The following MAGI2 variants were observed in gnomAD, a reference collection of about 807,000 sequenced individuals.
MAGI2 encodes membrane-associated guanylate kinase, WW and PDZ domain-containing protein 2.
A neutral mutation model predicts 133.3 loss-of-function variants in MAGI2; 35 were observed. That is an observed-to-expected ratio of 0.26 (90% confidence interval 0.20 to 0.35). The LOEUF (loss-of-function observed/expected upper bound fraction) is 0.35, where lower values mean the gene tolerates loss of function less well. Among genes scored for constraint, MAGI2 ranks in the 10% least tolerant of loss-of-function variants. The pLI, the probability that MAGI2 is intolerant of heterozygous loss-of-function variation, is 1.00. For missense variants in MAGI2, 1,636 were observed against 1,863.4 expected, an observed-to-expected ratio of 0.88 and a Z score of 2.25; for synonymous variants, 729 against 710.6, an observed-to-expected ratio of 1.03 and a Z score of -0.41.
intron 21 of MAGI2, among the ~76,000 whole-genome samples, chr7:78,071,545 G>GA (rs1169714121): frequency 2.0e-5 from 3 of 151,844 alleles, no homozygotes; most frequent in Non-Finnish European, 4.4e-5. Flanking sequence ...CCCGCTGCCA[G>GA]AAAAAAAAGA....
intron 21 of MAGI2, among the ~76,000 whole-genome samples, chr7:78,075,112 G>A (rs1815135113): frequency 6.6e-6 from 1 of 152,238 alleles, no homozygotes; most frequent in African/African-American, 2.4e-5. Flanking sequence ...GAGTCTGGAA[G>A]TGTGGTATGT....
At chr7:79,041,671 G>T (rs1811682944) in intron 1 of MAGI2, among the ~76,000 whole-genome samples, 1 of 152,006 alleles carries the variant, frequency 6.6e-6, no homozygotes, top group South Asian at 2.1e-4. Flanking sequence ...AAAACAAATA[G>T]ATAAATGAAT....
At chr7:78,794,828 A>G (rs901585051) in intron 2 of MAGI2, among the ~76,000 whole-genome samples, 1 of 152,190 alleles carries the variant, frequency 6.6e-6, no homozygotes, top group Non-Finnish European at 1.5e-5. Context: ...TGTTGGCTAC[A>G]CGCATAACCA....
intron 2 of MAGI2, among the ~76,000 whole-genome samples, chr7:78,853,604 C>G (rs977735962): frequency 3.3e-5 from 5 of 151,902 alleles, no homozygotes; most frequent in African/African-American, 1.2e-4. Flanking sequence ...AATTCTCCTG[C>G]CTCGACCTCC....
chr7:78,040,869 C>A (rs143766843), intron 21 of MAGI2, among the ~76,000 whole-genome samples: 1 of 152,172 alleles, frequency 6.6e-6, no homozygotes, highest in Non-Finnish European at 1.5e-5. Context: ...GTTTGAGAGG[C>A]CTTTCGGTAA....
intron 1 of MAGI2, among the ~76,000 whole-genome samples, chr7:79,187,309 T>C (rs1204421799): frequency 6.6e-6 from 1 of 151,812 alleles, no homozygotes; most frequent in Non-Finnish European, 1.5e-5. Flanking sequence ...CATTTTATGT[T>C]TCTTCAAAAA....
intron 2 of MAGI2, among the ~76,000 whole-genome samples, chr7:78,921,709 G>C (rs1191593282): frequency 6.6e-6 from 1 of 151,348 alleles, no homozygotes; most frequent in Non-Finnish European, 1.5e-5. Flanking sequence ...TTGGCTCACT[G>C]CAACCTCCAC....
At chr7:78,699,057 G>A (rs186819850) in intron 2 of MAGI2, among the ~76,000 whole-genome samples, 1 of 152,286 alleles carries the variant, frequency 6.6e-6, no homozygotes, top group Admixed American at 6.5e-5. Context: ...TTGTCCACGT[G>A]GGTGACTGAG....
chr7:79,223,076 G>C (rs1830578074), intron 1 of MAGI2, among the ~76,000 whole-genome samples: 2 of 151,788 alleles, frequency 1.3e-5, no homozygotes, highest in South Asian at 4.2e-4. Flanking sequence ...TAGTAGAGAC[G>C]GGGTTTTATC....
rs964696377 is a variant in MAGI2 at position 78,487,711 on chromosome 7, C to T, written c.1045+2050G>A. Among the ~76,000 whole-genome samples the T allele has an allele frequency of 3.3e-5, 5 of 152,074 alleles. No individual in the cohort carries two copies. In the South Asian group the frequency reaches 1.0e-3, roughly 31 times the overall value. ...TGGATTAGGGTAATTAGCTTTCACT[C>T]TATCTGGCTAGCAGAGGAAGGGCAA... On this transcript the variant is annotated intron_variant, in intron 6 of 21. Transcript: ENST00000354212.
At chr7:78,525,049 T>C (rs975959622) in intron 3 of MAGI2, among the ~76,000 whole-genome samples, 3 of 152,034 alleles carry the variant, frequency 2.0e-5, no homozygotes, top group African/African-American at 7.2e-5. Context: ...TAAAAATAAA[T>C]ACTAAATAAC....
At chr7:78,405,505 T>C (rs1797289722) in intron 6 of MAGI2, among the ~76,000 whole-genome samples, 1 of 152,092 alleles carries the variant, frequency 6.6e-6, no homozygotes, top group Non-Finnish European at 1.5e-5. Context: ...AACTCAAAAC[T>C]ATGGAATTTT....
At position 79,155,412 on chromosome 7, in the gene MAGI2, G is replaced by A. The variant is rs149571355; in HGVS notation, c.302-148206C>T. On this transcript the variant is annotated intron_variant, in intron 1 of 21. Coordinates refer to ENST00000354212, the MANE Select transcript of MAGI2 (RefSeq NM_012301.4). ...AACTGCCTAGAGTTTGCTCTAGTGG[G>A]GAGGGGGGCCATGGTAGGTATTAAT... Among the ~76,000 whole-genome samples the A allele has an allele frequency of 1.9e-3, 293 of 152,232 alleles. 1 individual carries two copies. Among genetic ancestry groups the A allele is most frequent in the African/African-American group, 6.8e-3 (283 of 41,532 alleles).
At chr7:78,146,745 G>A (rs1217443513) in intron 16 of MAGI2, among the ~76,000 whole-genome samples, 1 of 152,146 alleles carries the variant, frequency 6.6e-6, no homozygotes, top group African/African-American at 2.4e-5. Context: ...AGAAATGGTT[G>A]ATAGTTACAA....
chr7:78,941,511 T>A (rs1005668208), intron 2 of MAGI2, among the ~76,000 whole-genome samples: 1 of 152,062 alleles, frequency 6.6e-6, no homozygotes, highest in Admixed American at 6.6e-5. Context: ...AATTTTTGTA[T>A]TTTTAGTATA....
chr7:78,753,384 C>T (rs760785745), intron 2 of MAGI2, among the ~76,000 whole-genome samples: 50 of 151,758 alleles, frequency 3.3e-4, no homozygotes, highest in Admixed American at 9.2e-4. Context: ...TCAGTAAATT[C>T]GAAATAAGAT....
chr7:78,500,075 T>C (rs1794483298), intron 5 of MAGI2, among the ~76,000 whole-genome samples: 1 of 152,210 alleles, frequency 6.6e-6, no homozygotes, highest in Non-Finnish European at 1.5e-5. Flanking sequence ...TGAATGCTAT[T>C]GATTCATTTT....
chr7:79,152,054 T>G (rs1045566351), intron 1 of MAGI2, among the ~76,000 whole-genome samples: 3 of 152,270 alleles, frequency 2.0e-5, no homozygotes, highest in East Asian at 1.9e-4. Flanking sequence ...GCACTTCAAC[T>G]CCCTTTCTTC....
chr7:78,572,828 A>G (rs1801649961), intron 3 of MAGI2, among the ~76,000 whole-genome samples: 1 of 150,796 alleles, frequency 6.6e-6, no homozygotes, highest in Non-Finnish European at 1.5e-5. Context: ...ATGCCCAGCT[A>G]ATTTTGTATT....
Sources: allele counts gnomAD v4.1 joint callset (sites outside exome capture counted in the v4.1 genomes callset), GRCh38; gene constraint gnomAD v4.1.1; transcripts MANE v1.5; gene names NCBI Gene and HGNC (gene_info 2026-07-23, HGNC 2026-07-21).